LSAMP: variants seen among roughly 807,000 people sequenced by gnomAD.
LSAMP encodes limbic system-associated membrane protein.
In LSAMP, 7 loss-of-function variants were observed where a neutral mutation model predicts 38.6. The ratio of observed to expected loss-of-function variants is 0.18; its 90% CI spans 0.10 to 0.34. The LOEUF is 0.34. LSAMP is among the 10% of genes least tolerant of loss of function. The pLI is 1.00. For synonymous variants in LSAMP, 154 were observed against 166.8 expected, an observed-to-expected ratio of 0.92 and a Z score of 0.59; for missense variants, 313 against 420.0, an observed-to-expected ratio of 0.75 and a Z score of 2.23.
chr3:115,828,302 G>A (rs1318811111), intron 6 of LSAMP, among the ~76,000 whole-genome samples: 2 of 152,148 alleles, frequency 1.3e-5, no homozygotes, highest in African/African-American at 4.8e-5. Flanking sequence ...GTACTATCTC[G>A]ATGATTTAAT....
intron 1 of LSAMP, among the ~76,000 whole-genome samples, chr3:116,087,264 A>T (rs1708013075): frequency 6.6e-6 from 1 of 152,250 alleles, no homozygotes; most frequent in African/African-American, 2.4e-5. Context: ...AAGATGAAGA[A>T]GCCAATTTTG....
chr3:116,005,110 G>A (rs1024586925), intron 3 of LSAMP, among the ~76,000 whole-genome samples: 1 of 152,076 alleles, frequency 6.6e-6, no homozygotes, highest in African/African-American at 2.4e-5. Flanking sequence ...ACTATGGTGA[G>A]AAAAGATCTG....
chr3:116,198,934 A>C (rs756033354), intron 1 of LSAMP, among the ~76,000 whole-genome samples: 1 of 151,924 alleles, frequency 6.6e-6, no homozygotes, highest in Non-Finnish European at 1.5e-5. Context: ...TTTTTAAAAA[A>C]TTAGCTGGGC....
chr3:116,354,560 T>C (rs1299685626), intron 1 of LSAMP, among the ~76,000 whole-genome samples: 1 of 152,222 alleles, frequency 6.6e-6, no homozygotes, highest in Non-Finnish European at 1.5e-5. Context: ...CACACAATTA[T>C]AAAATTTTAC....
chr3:116,288,960 GC>G (rs1279790061), intron 1 of LSAMP, among the ~76,000 whole-genome samples: 1 of 152,170 alleles, frequency 6.6e-6, no homozygotes, highest in Non-Finnish European at 1.5e-5. Flanking sequence ...CCAGATCTGT[GC>G]TTTCCCAGTT....
At chr3:116,043,702 T>G (rs1398509237) in intron 2 of LSAMP, among the ~76,000 whole-genome samples, 1 of 152,144 alleles carries the variant, frequency 6.6e-6, no homozygotes, top group Non-Finnish European at 1.5e-5. Flanking sequence ...TCCCAGCACT[T>G]TGGGAGGCCG....
intron 6 of LSAMP, among the ~76,000 whole-genome samples, chr3:115,840,127 T>C (rs910827077): frequency 1.3e-5 from 2 of 152,252 alleles, no homozygotes; most frequent in African/African-American, 4.8e-5. Context: ...ATTTGAAATA[T>C]ATCATTAGCA....
intron 3 of LSAMP, among the ~76,000 whole-genome samples, chr3:116,006,137 A>G (rs995229602): frequency 5.3e-5 from 8 of 152,146 alleles, no homozygotes; most frequent in Non-Finnish European, 8.8e-5. Flanking sequence ...CAGATGCCCA[A>G]TGTGATGGTA....
intron 6 of LSAMP, among the ~76,000 whole-genome samples, chr3:115,831,646 G>C (rs575839510): frequency 6.6e-6 from 1 of 152,182 alleles, no homozygotes. Context: ...CCCAGACATT[G>C]AGAGCTGACT....
At chr3:116,015,615 A>G (rs759041485) in intron 3 of LSAMP, among the ~76,000 whole-genome samples, 4 of 152,196 alleles carry the variant, frequency 2.6e-5, no homozygotes, top group Non-Finnish European at 4.4e-5. Context: ...AGAATGCATA[A>G]ATGTCTTCAA....
At chr3:116,212,343 C>T (rs1325122403) in intron 1 of LSAMP, among the ~76,000 whole-genome samples, 1 of 151,952 alleles carries the variant, frequency 6.6e-6, no homozygotes, top group Non-Finnish European at 1.5e-5. Context: ...TTTTGTTTTT[C>T]ATTTATGGCA....
chr3:115,893,119 G>A (rs1373086431), intron 3 of LSAMP, among the ~76,000 whole-genome samples: 1 of 151,908 alleles, frequency 6.6e-6, no homozygotes, highest in Non-Finnish European at 1.5e-5. Context: ...GACACAGGGA[G>A]GGGAATATCA....
At chr3:116,090,735 C>G (rs1479281953) in intron 1 of LSAMP, among the ~76,000 whole-genome samples, 1 of 151,974 alleles carries the variant, frequency 6.6e-6, no homozygotes, top group African/African-American at 2.4e-5. Flanking sequence ...CCGTGATGCC[C>G]CACAAGCCAC....
chr3:115,833,788 A>C (rs2107488801), intron 6 of LSAMP, among the ~76,000 whole-genome samples: 1 of 152,158 alleles, frequency 6.6e-6, no homozygotes, highest in Non-Finnish European at 1.5e-5. Context: ...GTCTATTTGC[A>C]AATCACTTTT....
intron 3 of LSAMP, among the ~76,000 whole-genome samples, chr3:115,963,656 C>T (rs983011224): frequency 6.6e-6 from 1 of 152,212 alleles, no homozygotes; most frequent in African/African-American, 2.4e-5. Flanking sequence ...TTTAACTTCA[C>T]TTAGAATACA....
intron 1 of LSAMP, among the ~76,000 whole-genome samples, chr3:116,419,951 T>C (rs1367979642): frequency 6.6e-6 from 1 of 152,258 alleles, no homozygotes; most frequent in Non-Finnish European, 1.5e-5. Context: ...CTAAGTTTTG[T>C]TCCTATAACA....
intron 2 of LSAMP, among the ~76,000 whole-genome samples, chr3:116,071,584 C>G (rs919694553): frequency 3.3e-5 from 5 of 152,062 alleles, no homozygotes; most frequent in Admixed American, 6.6e-5. Flanking sequence ...ACTACCACTT[C>G]ATTTTTTTCT....
intron 3 of LSAMP, among the ~76,000 whole-genome samples, chr3:115,966,168 T>C (rs1164924543): frequency 6.6e-6 from 1 of 152,228 alleles, no homozygotes; most frequent in African/African-American, 2.4e-5. Flanking sequence ...CTATTGGGTC[T>C]TTCTCCTGTT....
chr3:116,150,107 G>A (rs1232646687), intron 1 of LSAMP, among the ~76,000 whole-genome samples: 4 of 152,028 alleles, frequency 2.6e-5, no homozygotes, highest in African/African-American at 9.7e-5. Context: ...GCCATTTAGT[G>A]TGTTTTAATT....
Sources: gnomAD v4.1 joint callset for allele counts (sites outside exome capture counted in the v4.1 genomes callset) on GRCh38, gnomAD v4.1.1 for gene constraint, MANE v1.5 for transcripts, NCBI Gene and HGNC (gene_info 2026-07-23, HGNC 2026-07-21) for gene names.